Variants in GANC observed in about 807,000 individuals in gnomAD.
The protein encoded by GANC is neutral alpha-glucosidase C.
GANC carries 117 observed loss-of-function variants against 124.2 expected under a neutral mutation model. The observed-to-expected ratio is 0.94, with a 90% CI of 0.81 to 1.10. GANC has a LOEUF of 1.10. GANC is among the 50% of genes least tolerant of loss of function. The pLI is 0.00. For synonymous variants in GANC, 377 were observed against 376.8 expected (o/e 1.00, Z -0.01); for missense variants, 1,140 against 1,095.0 (o/e 1.04, Z -0.58).
intron 1 of GANC, 152 bp downstream of exon 1, chr15:42,274,662 C>T (rs1387876736): frequency 1.4e-6 from 1 of 738,030 alleles, no homozygotes; most frequent in African/African-American, 1.8e-5. Flanking sequence ...TTAATAGCCT[C>T]TCATAAAATA....
intron 3 of GANC, chr15:42,284,355 T>C (rs1200413124): frequency 4.7e-6 from 1 of 214,988 alleles, no homozygotes; most frequent in African/African-American, 2.3e-5. Context: ...ACCACCATGA[T>C]GTTTACAAAA....
chr15:42,346,376 A>G (rs1340136808), intron 20 of GANC, among the ~76,000 whole-genome samples: 1 of 152,174 alleles, frequency 6.6e-6, no homozygotes, highest in African/African-American at 2.4e-5. Context: ...GTCATGGGGA[A>G]TGACTGTAAA....
At position 42,292,752 on chromosome 15, in the gene GANC, G is replaced by C; in HGVS notation, c.347G>C (p.Gly116Ala). Residue 116 changes from glycine (G) to alanine (A), a missense_variant, in exon 5 of 24, where the codon GGG (glycine) becomes GCG (alanine). By Grantham distance (60) the Gly-to-Ala change is moderately conservative. Coordinates refer to ENST00000318010, the MANE Select transcript of GANC (RefSeq NM_198141.3). ...TTTTCTAGGCTGATTTCATGCTCTG[G>C]GGACACAGGCAGTCTGATATTGGCA... ...PSTVRLISCS[G>A]DTGSLILADG... 1 of 1,613,622 alleles carries C rather than the reference G, an allele frequency of 6.2e-7. No individual in the cohort carries two copies. Among genetic ancestry groups the C allele is most frequent in the Non-Finnish European group, 8.5e-7 (1 of 1,179,752 alleles).
intron 16 of GANC, among the ~76,000 whole-genome samples, chr15:42,339,353 C>T (rs2052310498): frequency 7.2e-6 from 1 of 138,314 alleles, no homozygotes; most frequent in African/African-American, 2.8e-5. Flanking sequence ...CACACACACA[C>T]ACACAGTTAT....
At chr15:42,312,053 C>T (rs1036353835) in intron 10 of GANC, among the ~76,000 whole-genome samples, 1 of 152,098 alleles carries the variant, frequency 6.6e-6, no homozygotes, top group Non-Finnish European at 1.5e-5. Context: ...GGAAAGACAT[C>T]CCATGTTCAT....
chr15:42,301,501 A>G (rs1459551501), intron 6 of GANC, among the ~76,000 whole-genome samples: 1 of 151,848 alleles, frequency 6.6e-6, no homozygotes, highest in Non-Finnish European at 1.5e-5. Flanking sequence ...CCAGCGAGAC[A>G]GAACTCTTCA....
At chr15:42,286,283 T>C (rs549728235) in intron 3 of GANC, among the ~76,000 whole-genome samples, 12 of 152,358 alleles carry the variant, frequency 7.9e-5, no homozygotes, top group South Asian at 4.1e-4. Flanking sequence ...TTAAAACTTA[T>C]CACAGAATGC....
At chr15:42,337,897 C>T (rs1489188523) in intron 15 of GANC, among the ~76,000 whole-genome samples, 1 of 152,032 alleles carries the variant, frequency 6.6e-6, no homozygotes, top group Non-Finnish European at 1.5e-5. Flanking sequence ...CCCCTCTCTG[C>T]TAAAAATACA....
At chr15:42,336,430 A>G (rs1193367030) in intron 15 of GANC, among the ~76,000 whole-genome samples, 1 of 152,242 alleles carries the variant, frequency 6.6e-6, no homozygotes, top group African/African-American at 2.4e-5. Context: ...GGCAAGCCAT[A>G]TGCAGAAGAT....
At chr15:42,296,249 C>T (rs540412530) in intron 5 of GANC, among the ~76,000 whole-genome samples, 4 of 151,718 alleles carry the variant, frequency 2.6e-5, no homozygotes, top group East Asian at 1.9e-4. Flanking sequence ...TTTGAAATCT[C>T]TTCTGTCTGA....
chr15:42,288,019 T>G (rs2051807579), intron 4 of GANC, among the ~76,000 whole-genome samples: 1 of 152,192 alleles, frequency 6.6e-6, no homozygotes, highest in Admixed American at 6.5e-5. Context: ...CCATTTTCCT[T>G]ATTATCCATT....
chr15:42,339,720 G>C lies in GANC; in HGVS notation c.1895G>C (p.Trp632Ser). Residue 632 changes from tryptophan to serine, a missense_variant, in exon 17 of 24, where the codon TGG (tryptophan) becomes TCG (serine). Coordinates refer to ENST00000318010, the MANE Select transcript of GANC (RefSeq NM_198141.3). ...GNPETELLVR[W>S]YQAGAYQPFF... ...CCAGAGACAGAGCTGCTAGTGCGTTGGTACCAGGCTGGAGCCTACCAGCCC... is the reference window on the plus strand; with the variant it reads ...CCAGAGACAGAGCTGCTAGTGCGTTCGTACCAGGCTGGAGCCTACCAGCCC... 6.2e-7 allele frequency: 1 copy of C among 1,614,140 alleles called. No homozygotes were observed. The highest frequency in any genetic ancestry group is 8.5e-7 in the Non-Finnish European group (1 of 1,180,020).
At chr15:42,327,641 C>T (rs2052208571) in intron 13 of GANC, 199 bp downstream of exon 13, 2 of 509,164 alleles carry the variant, frequency 3.9e-6, no homozygotes, top group Non-Finnish European at 7.0e-6. Flanking sequence ...ATGCACAAAA[C>T]CTGTGATTTT....
At chr15:42,313,976 C>CAACAACAACAAA (rs1338361477) in intron 10 of GANC, 1 of 662,288 alleles carries the variant, frequency 1.5e-6, no homozygotes, top group Non-Finnish European at 2.7e-6. Context: ...ACAACAACAA[C>CAACAACAACAAA]AAAATTAATG....
intron 19 of GANC, 48 bp from the exon 20 acceptor site, chr15:42,345,710 G>A: frequency 9.1e-7 from 1 of 1,100,210 alleles, no homozygotes; most frequent in Non-Finnish European, 1.4e-6. Flanking sequence ...GAAATGGTGA[G>A]CAGAGTTGCT....
intron 14 of GANC, 195 bp downstream of exon 14, chr15:42,329,644 A>G (rs1053367783): frequency 2.2e-6 from 1 of 461,108 alleles, no homozygotes; most frequent in Non-Finnish European, 3.7e-6. Flanking sequence ...TTTTCTTTTC[A>G]TGATGAACTT....
intron 10 of GANC, among the ~76,000 whole-genome samples, chr15:42,321,071 G>A (rs1185153328): frequency 6.6e-6 from 1 of 152,160 alleles, no homozygotes; most frequent in Non-Finnish European, 1.5e-5. Flanking sequence ...TTGACCAGAA[G>A]TCCTTCACGT....
At chr15:42,313,901 C>G (rs1002775180) in intron 10 of GANC, 15 of 595,396 alleles carry the variant, frequency 2.5e-5, no homozygotes, top group Middle Eastern at 4.4e-4. Context: ...GCAGTAAGCA[C>G]TGTTCATGCT....
intron 4 of GANC, among the ~76,000 whole-genome samples, chr15:42,291,016 C>T (rs1404781715): frequency 1.3e-5 from 2 of 151,966 alleles, no homozygotes; most frequent in African/African-American, 4.8e-5. Flanking sequence ...GATTCCAATT[C>T]TCCTGTGCCC....
Sources: gnomAD v4.1 joint callset for allele counts (sites outside exome capture counted in the v4.1 genomes callset) on GRCh38, gnomAD v4.1.1 for gene constraint, MANE v1.5 for transcripts, NCBI Gene and HGNC (gene_info 2026-07-23, HGNC 2026-07-21) for gene names.